HSD17B12: variants seen among roughly 807,000 people sequenced by gnomAD.
HSD17B12 encodes very-long-chain 3-oxoacyl-CoA reductase.
Under a neutral mutation model 39.3 loss-of-function variants are expected in HSD17B12, and 32 were observed. The ratio of observed to expected loss-of-function variants is 0.81; its 90% CI spans 0.61 to 1.09. The LOEUF (loss-of-function observed/expected upper bound fraction) is 1.09. Ranked by LOEUF, HSD17B12 falls within the 50% of genes least tolerant of loss-of-function variation. The pLI is 0.00. For missense variants in HSD17B12, 342 were observed against 382.9 expected (o/e 0.89, Z 0.89); for synonymous variants, 150 against 146.7 (o/e 1.02, Z -0.16).
chr11:43,702,675 T>G (rs753797706), intron 1 of HSD17B12, among the ~76,000 whole-genome samples: 2 of 152,258 alleles, frequency 1.3e-5, no homozygotes, highest in Non-Finnish European at 2.9e-5. Flanking sequence ...AAATCCCACT[T>G]GGTCACGGTG....
At chr11:43,840,320 G>T (rs1287890922) in intron 9 of HSD17B12, among the ~76,000 whole-genome samples, 1 of 151,996 alleles carries the variant, frequency 6.6e-6, no homozygotes, top group Non-Finnish European at 1.5e-5. Flanking sequence ...TACTTTTTAA[G>T]TTCTTAGGGT....
chr11:43,589,101 GA>G, the HSD17B12 span, among the ~76,000 whole-genome samples: 8,858 of 151,732 alleles, frequency 0.058, 372 homozygotes, highest in Non-Finnish European at 0.087. Context: ...TTCCACCAAG[GA>G]AAAAAATAAG....
intron 1 of HSD17B12, among the ~76,000 whole-genome samples, chr11:43,750,235 T>C (rs962909952): frequency 7.9e-5 from 12 of 152,128 alleles, no homozygotes; most frequent in Non-Finnish European, 1.5e-5. Context: ...TTCCCTGTTA[T>C]CTACTCCACT....
intron 9 of HSD17B12, among the ~76,000 whole-genome samples, chr11:43,846,939 C>G (rs1951481731): frequency 6.6e-6 from 1 of 152,206 alleles, no homozygotes; most frequent in Non-Finnish European, 1.5e-5. Flanking sequence ...TGGCAAAAGG[C>G]ACACAGAGCC....
chr11:43,614,370 C>T, the HSD17B12 span, among the ~76,000 whole-genome samples: 5 of 152,140 alleles, frequency 3.3e-5, no homozygotes, highest in African/African-American at 1.2e-4. Context: ...AAAAAGTCAT[C>T]AATAATTACA....
At chr11:43,695,671 GTCTTCT>G (rs10687930) in intron 1 of HSD17B12, among the ~76,000 whole-genome samples, 2 of 149,662 alleles carry the variant, frequency 1.3e-5, no homozygotes, top group Non-Finnish European at 1.5e-5. Flanking sequence ...GTTCTAATTA[GTCTTCT>G]TCTTCTTCTT....
upstream of HSD17B12, among the ~76,000 whole-genome samples, chr11:43,677,266 G>C (rs1455760905): frequency 2.0e-5 from 3 of 152,042 alleles, no homozygotes; most frequent in African/African-American, 7.2e-5. Flanking sequence ...GTTACCCTTA[G>C]AATTATTATC....
chr11:43,804,339 C>CTGGCT (rs1338287570), intron 4 of HSD17B12, among the ~76,000 whole-genome samples: 9 of 152,324 alleles, frequency 5.9e-5, no homozygotes, highest in African/African-American at 2.2e-4. Flanking sequence ...TGTTGCCCTA[C>CTGGCT]TGGCTTAGTG....
intron 1 of HSD17B12, among the ~76,000 whole-genome samples, chr11:43,685,599 A>G (rs989494636): frequency 2.6e-5 from 4 of 152,236 alleles, no homozygotes; most frequent in Non-Finnish European, 5.9e-5. Context: ...CCCAGTGGAC[A>G]GAGGAAGAAT....
chr11:43,774,316 C>T (rs940258096), intron 3 of HSD17B12, among the ~76,000 whole-genome samples: 5 of 151,996 alleles, frequency 3.3e-5, no homozygotes, highest in African/African-American at 4.8e-5. Flanking sequence ...CAGGTTCAAG[C>T]GGTACTCCTG....
At chr11:43,615,174 G>T in the HSD17B12 span, among the ~76,000 whole-genome samples, 10 of 152,220 alleles carry the variant, frequency 6.6e-5, no homozygotes, top group South Asian at 1.9e-3. Context: ...TTTTTAGGTG[G>T]GGTATAGAGT....
At chr11:43,827,613 AAATT>A (rs1165971344) in intron 6 of HSD17B12, among the ~76,000 whole-genome samples, 1 of 152,230 alleles carries the variant, frequency 6.6e-6, no homozygotes, top group Non-Finnish European at 1.5e-5. Flanking sequence ...CACTAAGAAG[AAATT>A]AAGTCACTTT....
intron 3 of HSD17B12, among the ~76,000 whole-genome samples, chr11:43,791,772 C>T (rs770350346): frequency 1.3e-5 from 2 of 152,026 alleles, no homozygotes; most frequent in Non-Finnish European, 2.9e-5. Context: ...AACAGATTCA[C>T]GCAGCATAAG....
intron 4 of HSD17B12, among the ~76,000 whole-genome samples, chr11:43,803,156 C>T (rs1421785575): frequency 1.3e-5 from 2 of 152,094 alleles, no homozygotes; most frequent in Non-Finnish European, 2.9e-5. Context: ...AATTTTATTA[C>T]TAGGTCATAT....
chr11:43,821,536 T>C (rs1285265300), intron 6 of HSD17B12, among the ~76,000 whole-genome samples: 1 of 152,192 alleles, frequency 6.6e-6, no homozygotes, highest in African/African-American at 2.4e-5. Context: ...TAGAGACAAT[T>C]GAACCTCAAG....
Position 43,815,499 on chromosome 11 carries a change from A to G in HSD17B12, c.454A>G (p.Asn152Asp), listed in dbSNP as rs770591141. ...EYFLDVPDLDNVIKKMININI... is the reference protein window; with the variant it reads ...EYFLDVPDLDDVIKKMININI... The stretch of plus-strand genomic sequence containing the variant: ...CTTTTTGGATGTTCCTGACTTGGAC[A>G]ATGTAAGTCTTTCTTTGTGTATTAT... The change falls in exon 5 of 11, where the codon AAT (asparagine) becomes GAT (aspartate). Residue 152 changes from asparagine to aspartate, a missense_variant and splice_region_variant. Asn to Asp is a conservative substitution (Grantham distance 23). Transcript: ENST00000278353. 6 of 1,554,764 alleles carry G rather than the reference A, an allele frequency of 3.9e-6. No homozygotes were observed. The African/African-American group carries it at 8.1e-5, about 21-fold the overall frequency.
rs1195646550 is a variant in HSD17B12, at chr11:43,778,503, G to A, written c.284-19817G>A. On this transcript the variant is annotated intron_variant, in intron 3 of 10. Transcript: ENST00000278353. ...CATTTTATGAGGCCAGCATCATCCT[G>A]ATACCAAAGCCGGGCAGAGACACAA... 4.0e-5 allele frequency among the ~76,000 whole-genome samples: 6 copies of A among 150,426 alleles called. No individual in the cohort carries two copies. In the East Asian group the frequency reaches 1.2e-3, roughly 29 times the overall value.
At chr11:43,746,557 G>A (rs113915288) in intron 1 of HSD17B12, among the ~76,000 whole-genome samples, 1 of 152,044 alleles carries the variant, frequency 6.6e-6, no homozygotes, top group Non-Finnish European at 1.5e-5. Flanking sequence ...CTTTCTTCTG[G>A]AGTATCTCCT....
At chr11:43,786,686 T>C (rs921735127) in intron 3 of HSD17B12, among the ~76,000 whole-genome samples, 16 of 152,244 alleles carry the variant, frequency 1.1e-4, no homozygotes, top group African/African-American at 3.6e-4. Flanking sequence ...ATTTCAAAAT[T>C]TAAAAAACAA....
Sources: allele counts gnomAD v4.1 joint callset (sites outside exome capture counted in the v4.1 genomes callset), GRCh38; gene constraint gnomAD v4.1.1; transcripts MANE v1.5; gene names NCBI Gene and HGNC (gene_info 2026-07-23, HGNC 2026-07-21).